Variants in KHNYN observed in about 807,000 individuals in gnomAD.
KHNYN encodes KH and NYN domain containing.
Under a neutral mutation model 62.7 loss-of-function variants are expected in KHNYN, and 42 were observed. That is an observed-to-expected ratio of 0.67 (90% CI 0.52 to 0.87). KHNYN has a LOEUF of 0.87. Ranked by LOEUF, KHNYN falls within the 40% of genes least tolerant of loss-of-function variation. The pLI is 0.00. For missense variants in KHNYN, 829 were observed against 874.1 expected (o/e 0.95, Z 0.65); for synonymous variants, 347 against 345.6 (o/e 1.00, Z -0.04).
At position 24,430,804 on chromosome 14, in the gene KHNYN, G is replaced by T; in HGVS notation, c.74G>T (p.Arg25Leu). ...TCTGCGGAGGCTGAGAACAAGGTTC[G>T]GGAACAGCAGCCCCATGTGGAGCGC... ...AVSAEAENKV[R>L]EQQPHVERIF... Residue 25 changes from arginine to leucine, a missense_variant, in exon 2 of 8, where the codon CGG becomes CTG. Around this residue, in one of 2 missense-constraint regions of KHNYN, gnomAD observed 559 missense variants for 527.0 expected, o/e 1.06. Coordinates refer to ENST00000553935, the MANE Select transcript of KHNYN (RefSeq NM_015299.3). 1.2e-6 allele frequency: 2 copies of T among 1,610,628 alleles called. No homozygotes were observed. Among genetic ancestry groups the T allele is most frequent in the Non-Finnish European group, 1.7e-6 (2 of 1,178,522 alleles).
At chr14:24,427,968 T>TG, upstream of KHNYN, 1 of 1,613,514 alleles carries the variant, frequency 6.2e-7, no homozygotes, top group Non-Finnish European at 8.5e-7. This position sits in a 1 kb window ranked among gnomAD's most constrained non-coding sequence, Gnocchi z 4.4. Flanking sequence ...ACAGGCCACG[T>TG]GTTCAGCATC....
Position 24,432,016 on chromosome 14 carries a change from C to T in KHNYN, c.755C>T (p.Thr252Ile). ...PGDCRGARGD[T>I]YAVEKEGGKQ... Reference sequence around the variant, plus strand: ...GATTGCAGGGGAGCAAGGGGAGACACTTACGCTGTGGAGAAGGAGGGAGGG... The same window carrying T: ...GATTGCAGGGGAGCAAGGGGAGACATTTACGCTGTGGAGAAGGAGGGAGGG... The change falls in exon 3 of 8, where the codon ACT becomes ATT. Residue 252 changes from threonine to isoleucine, a missense_variant. Thr to Ile is a moderately conservative substitution (Grantham distance 89). Transcript: ENST00000553935. The surrounding 1 kb of genome is among the most constrained non-coding windows in gnomAD (Gnocchi z 5.6). The T allele has an allele frequency of 6.2e-7, 1 of 1,608,558 alleles. No individual in the cohort carries two copies. Among genetic ancestry groups the T allele is most frequent in the Non-Finnish European group, 8.5e-7 (1 of 1,176,236 alleles).
Position 24,432,058 on chromosome 14 carries a change from G to C in KHNYN, c.797G>C (p.Arg266Thr). The C allele has an allele frequency of 6.3e-7, 1 of 1,587,590 alleles. No homozygotes were observed. Among genetic ancestry groups the C allele is most frequent in the Non-Finnish European group, 8.6e-7 (1 of 1,165,182 alleles). ...EKEGGKQGGP[R>T]EMDWGWKELP... ...GAGGGAGGGAAACAGGGTGGTCCCA[G>C]GGAGATGGATTGGGGGTGGAAGGAG... Residue 266 changes from arginine to threonine, a missense_variant, in exon 3 of 8, where the codon AGG (arginine) becomes ACG (threonine). Around this residue, in one of 2 missense-constraint regions of KHNYN, gnomAD observed 559 missense variants for 527.0 expected, o/e 1.06. Transcript: ENST00000553935. The surrounding 1 kb of genome is among the most constrained non-coding windows in gnomAD (Gnocchi z 5.6).
Position 24,440,941 on chromosome 14 carries a change from C to CA in KHNYN, c.*3658dup. ...CTGGTAGTAAGCTGCCGGTGGAACA[C>CA]AATCATTTGCCCTGGGTGTCCTTGG... On this transcript the variant is annotated 3_prime_UTR_variant, in exon 8 of 8. Transcript: ENST00000553935. 2 of 1,613,962 alleles carry CA rather than the reference C, an allele frequency of 1.2e-6. No homozygotes were observed. Among genetic ancestry groups the CA allele is most frequent in the South Asian group, 1.1e-5 (1 of 91,072 alleles).
chr14:24,429,757 C>G, upstream of KHNYN: 1 of 985,266 alleles, frequency 1.0e-6, no homozygotes, highest in Admixed American at 6.1e-5. Context: ...GCGCAGAATG[C>G]GCGAGGACCC....
chr14:24,428,435 C>T (rs1315125071), upstream of KHNYN: 1 of 1,612,212 alleles, frequency 6.2e-7, no homozygotes, highest in Non-Finnish European at 8.5e-7. Flanking sequence ...CTGAGTGGGG[C>T]TCAGGAAATG....
chr14:24,432,639 G>A lies in KHNYN; in HGVS notation c.1349+29G>A. 1.2e-6 allele frequency: 2 copies of A among 1,610,196 alleles called. No individual in the cohort carries two copies. The highest frequency in any genetic ancestry group is 1.7e-6 in the Non-Finnish European group (2 of 1,177,268). On this transcript the variant is annotated intron_variant, in intron 3 of 7. Coordinates refer to ENST00000553935, the MANE Select transcript of KHNYN (RefSeq NM_015299.3). The surrounding 1 kb of genome is among the most constrained non-coding windows in gnomAD (Gnocchi z 5.6). ...AGTACCTGGTGGGGCTAAGGGCCTA[G>A]GAGAGGGAGGATATGTCCTGAGGGG... is the stretch of plus-strand genomic sequence containing the variant.
chr14:24,431,176 T>A (rs933106827), intron 2 of KHNYN, among the ~76,000 whole-genome samples: 2 of 152,198 alleles, frequency 1.3e-5, no homozygotes, highest in Non-Finnish European at 2.9e-5. Flanking sequence ...TCTGTGCTCT[T>A]TGGGAGAATA....
the KHNYN span, among the ~76,000 whole-genome samples, chr14:24,423,648 G>C: frequency 1.3e-5 from 2 of 152,212 alleles, no homozygotes; most frequent in African/African-American, 4.8e-5. Context: ...GGAAGATGAG[G>C]GGCAGCTGGC....
At chr14:24,430,687 G>A (rs757309706) in intron 1 of KHNYN, 27 bp from the exon 2 acceptor site, 61 of 1,548,376 alleles carry the variant, frequency 3.9e-5, no homozygotes, top group Non-Finnish European at 4.9e-5. Flanking sequence ...GTACAATGAG[G>A]CTCTGAGCTG....
chr14:24,430,544 G>C, intron 1 of KHNYN, 170 bp from the exon 2 acceptor site: 1 of 1,413,998 alleles, frequency 7.1e-7, no homozygotes, highest in Non-Finnish European at 9.2e-7. Context: ...GGAGAGGCCT[G>C]CGTGACATAC....
rs751986158 is a variant in KHNYN at position 24,436,140 on chromosome 14, C to T, written c.1646C>T (p.Ala549Val). 23 of 1,613,908 alleles carry T rather than the reference C, an allele frequency of 1.4e-5. No individual in the cohort carries two copies. Among genetic ancestry groups the T allele is most frequent in the South Asian group, 4.4e-5 (4 of 91,082 alleles). The change falls in exon 6 of 8, where the codon GCG becomes GTG. Residue 549 changes from alanine (A) to valine (V), a missense_variant. Physicochemically the swap from Ala to Val is moderately conservative, Grantham distance 64. Coordinates refer to ENST00000553935, the MANE Select transcript of KHNYN (RefSeq NM_015299.3). ...IVSNDQFRDL[A>V]EESEKWMAII... ...TCCAATGACCAGTTCCGGGACCTGGCGGAGGAGTCTGAGAAGTGGATGGCA... is the reference window on the plus strand; with the variant it reads ...TCCAATGACCAGTTCCGGGACCTGGTGGAGGAGTCTGAGAAGTGGATGGCA...
In KHNYN at chr14:24,429,972, ACAAGAGAGGT is replaced by A; in HGVS notation, c.-163_-154del. On this transcript the variant is annotated 5_prime_UTR_variant, in exon 1 of 8. The change abolishes the stop of an existing upstream ORF in the 5' untranslated region. Coordinates refer to ENST00000553935, the MANE Select transcript of KHNYN (RefSeq NM_015299.3). Reference sequence around the variant, plus strand: ...AAGAAACAGTTTGCGTGCGATGTGGACAAGAGAGGTCCCCGCTGGGTGAGGAACCCGGGAA... The same window carrying A: ...AAGAAACAGTTTGCGTGCGATGTGGACCCCGCTGGGTGAGGAACCCGGGAA... The A allele has an allele frequency of 1.0e-6, 1 of 989,374 alleles. No individual in the cohort carries two copies. The highest frequency in any genetic ancestry group is 1.2e-6 in the Non-Finnish European group (1 of 831,914). The allele number at this position is 989,374 out of a possible 1,614,324, so 61.3% of individuals were successfully genotyped here.
At chr14:24,428,890 A>C (rs998018200), upstream of KHNYN, 8 of 1,591,646 alleles carry the variant, frequency 5.0e-6, no homozygotes, top group Non-Finnish European at 6.8e-6. Flanking sequence ...GCCCCCCTGC[A>C]GCAGCTCGGC....
chr14:24,428,855 G>C (rs755779556), upstream of KHNYN: 3 of 1,611,474 alleles, frequency 1.9e-6, no homozygotes, highest in Non-Finnish European at 2.5e-6. Flanking sequence ...CCCAGGGGGT[G>C]CCTCTCCCAG....
chr14:24,427,202 G>A (rs1405529392), upstream of KHNYN: 1 of 158,618 alleles, frequency 6.3e-6, no homozygotes, highest in East Asian at 1.9e-4. This position sits in a 1 kb window ranked among gnomAD's most constrained non-coding sequence, Gnocchi z 4.4. Flanking sequence ...GTTCAGTCTA[G>A]ACAATACACC....
upstream of KHNYN, chr14:24,429,917 CT>C (rs2043072482): frequency 2.0e-6 from 2 of 1,007,302 alleles, no homozygotes; most frequent in African/African-American, 3.5e-5. Flanking sequence ...AGGAGCTGGG[CT>C]GACTCCGCCC....
rs2043262497 is a variant in KHNYN, at chr14:24,439,618, T to C, written c.*2333T>C. The C allele has an allele frequency of 6.5e-6, 1 of 153,778 alleles. No individual in the cohort carries two copies. Among genetic ancestry groups the C allele is most frequent in the East Asian group, 1.9e-4 (1 of 5,228 alleles). 9.5% of individuals were successfully genotyped at this position (153,778 alleles called of 1,614,324 possible). On this transcript the variant is annotated 3_prime_UTR_variant, in exon 8 of 8. Transcript: ENST00000553935. The stretch of plus-strand genomic sequence containing the variant: ...GTCCCAAACTTGTGACAAGTTCTTT[T>C]GGCAACTGAAGGACCAAGAAGGGAA...
chr14:24,430,593 T>C (rs2043088859), intron 1 of KHNYN, 121 bp from the exon 2 acceptor site: 7 of 1,454,786 alleles, frequency 4.8e-6, no homozygotes, highest in Non-Finnish European at 3.6e-6. Context: ...GCTTGTCACC[T>C]CCTGGGGCTG....
Sources: gnomAD v4.1 joint callset for allele counts (sites outside exome capture counted in the v4.1 genomes callset) on GRCh38, gnomAD v4.1.1 for gene constraint, gnomAD v4.1.1 regional missense constraint, Gnocchi (gnomAD v3.1) non-coding constraint, MANE v1.5 for transcripts, NCBI Gene and HGNC (gene_info 2026-07-23, HGNC 2026-07-21) for gene names.